Variants in SLCO5A1 observed in about 807,000 individuals in gnomAD.
The protein encoded by SLCO5A1 is solute carrier organic anion transporter family member 5A1, also known as organic anion transporter polypeptide-related protein 4.
Under a neutral mutation model 65.1 loss-of-function variants are expected in SLCO5A1, and 39 were observed. The ratio of observed to expected loss-of-function variants is 0.60; its 90% CI spans 0.46 to 0.78. SLCO5A1 has a LOEUF of 0.78. Among genes scored for constraint, SLCO5A1 ranks in the 30% least tolerant of loss-of-function variants. The probability of loss-of-function intolerance (pLI) is 0.00; values close to 1 mark genes in which losing one functional copy is unlikely to be tolerated. For missense variants in SLCO5A1, 1,029 were observed against 1,069.4 expected, an observed-to-expected ratio of 0.96 and a Z score of 0.53; for synonymous variants, 438 against 415.7, an observed-to-expected ratio of 1.05 and a Z score of -0.65.
chr8:69,668,768 T>A lies in SLCO5A1; in HGVS notation c.*4101A>T, dbSNP rs553457064. ...GGTTGGTGAACATGGAGGACCACCA[T>A]GACATCCATGAGGCCTTACTCCATG... is the stretch of plus-strand genomic sequence containing the variant. On this transcript the variant is annotated 3_prime_UTR_variant, in exon 10 of 10. Coordinates refer to ENST00000260126, the MANE Select transcript of SLCO5A1 (RefSeq NM_030958.3). 8 of 152,124 alleles carry A rather than the reference T, an allele frequency of 5.3e-5. No homozygotes were observed. The highest frequency in any genetic ancestry group is 1.9e-4 in the African/African-American group (8 of 41,418). 9.4% of individuals were successfully genotyped at this position (152,124 alleles called of 1,614,324 possible). A position where few individuals can be genotyped will look rare whatever the true frequency, so the allele number is the denominator to read the frequency against.
chr8:69,722,517 A>G (rs1815873199), intron 5 of SLCO5A1, among the ~76,000 whole-genome samples: 2 of 152,200 alleles, frequency 1.3e-5, no homozygotes, highest in South Asian at 4.1e-4. Flanking sequence ...GTATAAGGAA[A>G]CTAAGATACA....
chr8:69,827,011 G>A (rs534927094), intron 2 of SLCO5A1, among the ~76,000 whole-genome samples: 6 of 152,066 alleles, frequency 3.9e-5, no homozygotes, highest in Admixed American at 6.5e-5. Context: ...CATGGATGAA[G>A]CTGGAAATCA....
intron 5 of SLCO5A1, among the ~76,000 whole-genome samples, chr8:69,727,445 T>C (rs1196213589): frequency 6.6e-6 from 1 of 152,224 alleles, no homozygotes; most frequent in Admixed American, 6.5e-5. Flanking sequence ...TTACATATTA[T>C]ACAGTTCAAT....
chr8:69,790,495 C>A (rs1366492418), intron 2 of SLCO5A1, among the ~76,000 whole-genome samples: 1 of 151,940 alleles, frequency 6.6e-6, no homozygotes, highest in Non-Finnish European at 1.5e-5. Context: ...GGAAAGAGAG[C>A]CAGGTGTGGT....
At chr8:69,723,965 G>A (rs1815952943) in intron 5 of SLCO5A1, among the ~76,000 whole-genome samples, 1 of 152,024 alleles carries the variant, frequency 6.6e-6, no homozygotes, top group African/African-American at 2.4e-5. Context: ...TAAAAATGGG[G>A]TTTCCCCATG....
At chr8:69,786,673 AATAG>A (rs1231139829) in intron 2 of SLCO5A1, among the ~76,000 whole-genome samples, 1 of 152,204 alleles carries the variant, frequency 6.6e-6, no homozygotes, top group African/African-American at 2.4e-5. Context: ...ACAACAACTT[AATAG>A]TTGTTTTTGT....
chr8:69,737,178 C>G (rs929026150), intron 5 of SLCO5A1, among the ~76,000 whole-genome samples: 4 of 152,184 alleles, frequency 2.6e-5, no homozygotes, highest in Non-Finnish European at 4.4e-5. Context: ...AAATCAATTT[C>G]TCTTTCTACA....
At chr8:69,758,010 T>A (rs1817601516) in intron 3 of SLCO5A1, among the ~76,000 whole-genome samples, 1 of 152,182 alleles carries the variant, frequency 6.6e-6, no homozygotes, top group African/African-American at 2.4e-5. Context: ...ATTATTTTGC[T>A]TTTCCAAATC....
At position 69,833,037 on chromosome 8, in the gene SLCO5A1, G is replaced by A; in HGVS notation, c.-364C>T. ...GCCGCCGCTGGGCCCGCGGCCAGGAGCGAGTGCACCCTGCGCCGGGGGTGG... is the reference window on the plus strand; with the variant it reads ...GCCGCCGCTGGGCCCGCGGCCAGGAACGAGTGCACCCTGCGCCGGGGGTGG... On this transcript the variant is annotated 5_prime_UTR_variant, in exon 2 of 10. Coordinates refer to ENST00000260126, the MANE Select transcript of SLCO5A1 (RefSeq NM_030958.3). 3.5e-6 allele frequency: 1 copy of A among 288,162 alleles called. No homozygotes were observed. 17.9% of individuals were successfully genotyped at this position (288,162 alleles called of 1,614,324 possible). A position where few individuals can be genotyped will look rare whatever the true frequency, so the allele number is the denominator to read the frequency against.
chr8:69,760,403 T>G (rs1817717115), intron 3 of SLCO5A1, among the ~76,000 whole-genome samples: 1 of 152,214 alleles, frequency 6.6e-6, no homozygotes, highest in African/African-American at 2.4e-5. Context: ...TGTATAACAA[T>G]TAATATCTGT....
intron 5 of SLCO5A1, among the ~76,000 whole-genome samples, chr8:69,719,964 A>G (rs935201127): frequency 1.3e-5 from 2 of 152,170 alleles, no homozygotes; most frequent in African/African-American, 2.4e-5. Context: ...AGTCTCTCCA[A>G]TTCCTTAATT....
chr8:69,821,805 C>CAAA (rs11284619), intron 2 of SLCO5A1, among the ~76,000 whole-genome samples: 1 of 115,288 alleles, frequency 8.7e-6, no homozygotes, highest in African/African-American at 3.1e-5. Flanking sequence ...GACTTTGTCT[C>CAAA]AAAAAAAAAA....
chr8:69,753,404 A>G (rs1817407375), intron 4 of SLCO5A1, among the ~76,000 whole-genome samples: 1 of 152,218 alleles, frequency 6.6e-6, no homozygotes, highest in Non-Finnish European at 1.5e-5. Flanking sequence ...CCACAAAGAA[A>G]AACCTTCAGG....
At chr8:69,692,103 G>T (rs1021136379) in intron 6 of SLCO5A1, among the ~76,000 whole-genome samples, 9 of 152,176 alleles carry the variant, frequency 5.9e-5, no homozygotes, top group African/African-American at 2.2e-4. Flanking sequence ...AAGAAAATTA[G>T]CTAGGTGTGG....
intron 2 of SLCO5A1, among the ~76,000 whole-genome samples, chr8:69,824,214 G>A (rs1367402258): frequency 6.6e-6 from 1 of 151,972 alleles, no homozygotes; most frequent in Non-Finnish European, 1.5e-5. Flanking sequence ...ACAATTAAAA[G>A]AACTAGAGAA....
intron 6 of SLCO5A1, among the ~76,000 whole-genome samples, chr8:69,700,906 C>A (rs1486895422): frequency 1.3e-5 from 2 of 151,908 alleles, no homozygotes; most frequent in African/African-American, 4.8e-5. Flanking sequence ...CTTTTTGTAG[C>A]TACTGGAGGA....
intron 7 of SLCO5A1, among the ~76,000 whole-genome samples, chr8:69,680,413 A>T (rs10089960): frequency 6.6e-6 from 1 of 151,990 alleles, no homozygotes; most frequent in Admixed American, 6.5e-5. Context: ...GCATTAATTC[A>T]CTTAGGATAA....
chr8:69,669,720 A>G lies in SLCO5A1; in HGVS notation c.*3149T>C, dbSNP rs1813276120. The G allele has an allele frequency of 6.6e-6, 1 of 152,046 alleles. No homozygotes were observed. Among genetic ancestry groups the G allele is most frequent in the South Asian group, 2.1e-4 (1 of 4,824 alleles). 9.4% of individuals were successfully genotyped at this position (152,046 alleles called of 1,614,324 possible). A position where few individuals can be genotyped will look rare whatever the true frequency, so the allele number is the denominator to read the frequency against. On this transcript the variant is annotated 3_prime_UTR_variant, in exon 10 of 10. Coordinates refer to ENST00000260126, the MANE Select transcript of SLCO5A1 (RefSeq NM_030958.3). Reference sequence around the variant, plus strand: ...AATCCCAGTTCCTCAGGAGACTGAAACAGGAGAATCACTTGAACCCAGGAA... The same window carrying G: ...AATCCCAGTTCCTCAGGAGACTGAAGCAGGAGAATCACTTGAACCCAGGAA...
chr8:69,668,799 C>G lies in SLCO5A1; in HGVS notation c.*4070G>C, dbSNP rs536016025. On this transcript the variant is annotated 3_prime_UTR_variant, in exon 10 of 10. Transcript: ENST00000260126. ...CCATGAGGCCTTACTCCATGTAACTCCCCCTTCTCTGAAGGCTGACATTTC... is the reference window on the plus strand; with the variant it reads ...CCATGAGGCCTTACTCCATGTAACTGCCCCTTCTCTGAAGGCTGACATTTC... 2.0e-5 allele frequency: 3 copies of G among 152,186 alleles called. No homozygotes were observed. The East Asian group carries it at 5.8e-4, about 29-fold the overall frequency. The allele number at this position is 152,186 out of a possible 1,614,324, so 9.4% of individuals were successfully genotyped here.
Sources: gnomAD v4.1 joint callset for allele counts (sites outside exome capture counted in the v4.1 genomes callset) on GRCh38, gnomAD v4.1.1 for gene constraint, MANE v1.5 for transcripts, NCBI Gene and HGNC (gene_info 2026-07-23, HGNC 2026-07-21) for gene names.